Variants in ANKMY1 observed in about 807,000 individuals in gnomAD.
The protein encoded by ANKMY1 is ankyrin repeat and MYND domain containing 1, also known as ankyrin repeat and MYND domain-containing protein 1.
ANKMY1 carries 98 observed loss-of-function variants against 102.0 expected under a neutral mutation model. The observed-to-expected ratio is 0.96, with a 90% confidence interval of 0.82 to 1.14. The LOEUF (loss-of-function observed/expected upper bound fraction) is 1.14, where lower values mean the gene tolerates loss of function less well. Among genes scored for constraint, ANKMY1 ranks in the 50% most tolerant of loss-of-function variants. The probability of loss-of-function intolerance (pLI) is 0.00; values close to 1 mark genes in which losing one functional copy is unlikely to be tolerated. For missense variants in ANKMY1, 1,330 were observed against 1,347.6 expected, an observed-to-expected ratio of 0.99 and a Z score of 0.20; for synonymous variants, 582 against 559.9, an observed-to-expected ratio of 1.04 and a Z score of -0.56.
At chr2:240,498,730 C>G (rs1314708556) in intron 15 of ANKMY1, among the ~76,000 whole-genome samples, 1 of 152,034 alleles carries the variant, frequency 6.6e-6, no homozygotes, top group African/African-American at 2.4e-5. Context: ...TAGGAGGTGA[C>G]TAGATCGTGG....
At chr2:240,523,235 T>A (rs1028022725) in intron 8 of ANKMY1, 4 of 152,310 alleles carry the variant, frequency 2.6e-5, no homozygotes, top group African/African-American at 7.2e-5. Context: ...GAGACAGGCA[T>A]CCCCGCAAGT....
At position 240,555,593 on chromosome 2, in the gene ANKMY1, CA is replaced by C. The variant is rs537900593; in HGVS notation, c.147-539del. ...TGCAGGGCTGGGGAGTATGCTGCAA[CA>C]GCGGGGAGCACAAACCAGGGTGGAT... On this transcript the variant is annotated intron_variant, in intron 2 of 17. Transcript: ENST00000401804. 5.1e-3 allele frequency: 809 copies of C among 158,640 alleles called. 11 individuals are homozygous for C. Among genetic ancestry groups the C allele is most frequent in the African/African-American group, 0.018 (753 of 41,718 alleles). The allele number at this position is 158,640 out of a possible 1,614,324, so 9.8% of individuals were successfully genotyped here.
rs1434648051 is a variant in ANKMY1, at chr2:240,520,879, C to T, written c.1833-346G>A. ...ATAGCACAGCGCACACCACACAGTA[C>T]GCACACGGCACACCACACACCAGAG... is the stretch of plus-strand genomic sequence containing the variant. On this transcript the variant is annotated intron_variant, in intron 8 of 17. Coordinates refer to ENST00000401804, the MANE Select transcript of ANKMY1 (RefSeq NM_001282771.3). The surrounding 1 kb of genome is among the most constrained non-coding windows in gnomAD (Gnocchi z 4.8). Among the ~76,000 whole-genome samples the T allele has an allele frequency of 1.3e-5, 2 of 151,524 alleles. No homozygotes were observed. Among genetic ancestry groups the T allele is most frequent in the East Asian group, 1.9e-4 (1 of 5,136 alleles).
rs1296814255 is a variant in ANKMY1, at chr2:240,499,383, T to G, written c.2806+575A>C. Among the ~76,000 whole-genome samples, 76 of 20,042 alleles carry G rather than the reference T, an allele frequency of 3.8e-3. No individual in the cohort carries two copies. The highest frequency in any genetic ancestry group is 7.1e-3 in the South Asian group (4 of 560). 13.1% of individuals were successfully genotyped at this position (20,042 alleles called of 152,430 possible). On this transcript the variant is annotated intron_variant, in intron 15 of 17. Transcript: ENST00000401804. The surrounding 1 kb of genome is among the most constrained non-coding windows in gnomAD (Gnocchi z 4.2). The stretch of plus-strand genomic sequence containing the variant: ...GAGTAGGTGGGTGGGGATGTGGGGG[T>G]AGGGAGTGACTATGTGGGGGTGGGG...
chr2:240,559,515 T>A (rs2092756091), upstream of ANKMY1, among the ~76,000 whole-genome samples: 1 of 152,178 alleles, frequency 6.6e-6, no homozygotes, highest in South Asian at 2.1e-4. Context: ...CCTTCACTTT[T>A]GGCCAGAGAC....
intron 4 of ANKMY1, among the ~76,000 whole-genome samples, chr2:240,530,180 T>A (rs2084978699): frequency 6.6e-6 from 1 of 152,122 alleles, no homozygotes; most frequent in Non-Finnish European, 1.5e-5. Flanking sequence ...AAACAACCAG[T>A]GAGCGGCCAC....
intron 4 of ANKMY1, among the ~76,000 whole-genome samples, chr2:240,552,482 A>G (rs901533925): frequency 1.3e-5 from 2 of 152,224 alleles, no homozygotes; most frequent in Admixed American, 1.3e-4. Flanking sequence ...TAGTAGTTAC[A>G]CAACCCTGTA....
At chr2:240,500,591 C>G (rs374943304) in intron 13 of ANKMY1, 26 bp from the exon 14 acceptor site, 1 of 1,598,742 alleles carries the variant, frequency 6.3e-7, no homozygotes, top group African/African-American at 1.3e-5. Context: ...CCAGGTCAAA[C>G]ACGCAAGGAC....
rs1425715823 is a variant in ANKMY1 at position 240,529,685 on chromosome 2, C to T, written c.481-176G>A. On this transcript the variant is annotated intron_variant, in intron 4 of 17. Coordinates refer to ENST00000401804, the MANE Select transcript of ANKMY1 (RefSeq NM_001282771.3). This position sits in a 1 kb window ranked among gnomAD's most constrained non-coding sequence, Gnocchi z 4.2. ...GTGCCGCCCAGGGACCGAGGCGGAC[C>T]AGCTCTCCCGAGGAACAGGAAGGAG... 1.3e-5 allele frequency among the ~76,000 whole-genome samples: 2 copies of T among 152,198 alleles called. No individual in the cohort carries two copies. Among genetic ancestry groups the T allele is most frequent in the Non-Finnish European group, 2.9e-5 (2 of 68,034 alleles).
chr2:240,471,445 C>G, the ANKMY1 span, among the ~76,000 whole-genome samples: 2 of 151,902 alleles, frequency 1.3e-5, no homozygotes, highest in African/African-American at 4.8e-5. Context: ...TAAAATCTGC[C>G]ACCAGAGCCA....
At position 240,499,510 on chromosome 2, in the gene ANKMY1, C is replaced by T. The variant is rs1046330201; in HGVS notation, c.2806+448G>A. On this transcript the variant is annotated intron_variant, in intron 15 of 17. Coordinates refer to ENST00000401804, the MANE Select transcript of ANKMY1 (RefSeq NM_001282771.3). The surrounding 1 kb of genome is among the most constrained non-coding windows in gnomAD (Gnocchi z 4.2). ...GGGGAGTAGATGTCAGTAGGTACTG[C>T]GTTTGTGGAGTGGGTGCATGTGGGG... 6.6e-6 allele frequency among the ~76,000 whole-genome samples: 1 copy of T among 151,538 alleles called. No homozygotes were observed. Among genetic ancestry groups the T allele is most frequent in the Non-Finnish European group, 1.5e-5 (1 of 67,884 alleles).
intron 4 of ANKMY1, among the ~76,000 whole-genome samples, chr2:240,534,213 C>T (rs1351783015): frequency 1.2e-4 from 19 of 152,224 alleles, no homozygotes; most frequent in Admixed American, 1.2e-3. Flanking sequence ...CACTGGGGCT[C>T]TTGACATGCA....
At chr2:240,524,626 A>G (rs2082989464) in intron 7 of ANKMY1, among the ~76,000 whole-genome samples, 1 of 152,236 alleles carries the variant, frequency 6.6e-6, no homozygotes, top group Non-Finnish European at 1.5e-5. Flanking sequence ...CATGGCTGCT[A>G]AGCTCACAAA....
chr2:240,560,927 C>G, upstream of ANKMY1: 3 of 1,539,268 alleles, frequency 1.9e-6, no homozygotes, highest in Non-Finnish European at 2.6e-6. Flanking sequence ...TGCTGGCGCA[C>G]CTGGAGCCCA....
rs938389164 is a variant in ANKMY1, at chr2:240,545,789, G to C, written c.480+7125C>G. Among the ~76,000 whole-genome samples the C allele has an allele frequency of 1.2e-3, 190 of 152,284 alleles. 1 individual carries two copies. Among genetic ancestry groups the C allele is most frequent in the Non-Finnish European group, 2.4e-3 (162 of 68,038 alleles). ...TGGAAGATGAAGTGAATGAAATGAA[G>C]CGAGAAGGGAAGTTTAGAGAAAAAA... On this transcript the variant is annotated intron_variant, in intron 4 of 17. Transcript: ENST00000401804.
intron 12 of ANKMY1, 123 bp downstream of exon 12, chr2:240,509,205 GTGGATGGGTGGATGGATGAA>G: frequency 4.7e-6 from 3 of 640,986 alleles, no homozygotes; most frequent in Admixed American, 3.1e-5. Context: ...GGGTGGGTGA[GTGGATGGGTGGATGGATGAA>G]TGGATGGATG....
chr2:240,477,594 C>T (rs1197532615), downstream of ANKMY1, among the ~76,000 whole-genome samples: 1 of 151,994 alleles, frequency 6.6e-6, no homozygotes, highest in Non-Finnish European at 1.5e-5. Context: ...TCTATGTTGC[C>T]CAGGCTGGTC....
At chr2:240,523,675 G>C (rs2082759244) in intron 8 of ANKMY1, 5 of 778,932 alleles carry the variant, frequency 6.4e-6, no homozygotes, top group Non-Finnish European at 1.0e-5. Flanking sequence ...CACAGGGCTG[G>C]GGTGGCACTG....
intron 9 of ANKMY1, among the ~76,000 whole-genome samples, chr2:240,519,464 C>T (rs1335045299): frequency 6.6e-6 from 1 of 152,236 alleles, no homozygotes; most frequent in Non-Finnish European, 1.5e-5. Flanking sequence ...CCCCTGTGAA[C>T]CTAACGAGGC....
Sources: gnomAD v4.1 joint callset for allele counts (sites outside exome capture counted in the v4.1 genomes callset) on GRCh38, gnomAD v4.1.1 for gene constraint, Gnocchi (gnomAD v3.1) non-coding constraint, MANE v1.5 for transcripts, NCBI Gene and HGNC (gene_info 2026-07-23, HGNC 2026-07-21) for gene names.